DROSHA: variants seen among roughly 807,000 people sequenced by gnomAD.
DROSHA encodes the protein ribonuclease 3.
In DROSHA, 56 loss-of-function variants were observed where a neutral mutation model predicts 181.9. That is an observed-to-expected ratio of 0.31 (90% confidence interval 0.25 to 0.38). The LOEUF is 0.38. Among genes scored for constraint, DROSHA ranks in the 10% least tolerant of loss-of-function variants. DROSHA has a pLI of 1.00. For missense variants in DROSHA, 1,218 were observed against 1,743.5 expected (o/e 0.70, Z 5.37); for synonymous variants, 524 against 591.2 (o/e 0.89, Z 1.65).
chr5:31,504,108 G>C (rs951815708), intron 11 of DROSHA, among the ~76,000 whole-genome samples: 1 of 152,210 alleles, frequency 6.6e-6, no homozygotes, highest in Non-Finnish European at 1.5e-5. Flanking sequence ...GAGGGTCCCT[G>C]ATAAACCAAG....
At chr5:31,467,032 TTTTCTGTCACA>T (rs1300293831) in intron 18 of DROSHA, 13 of 152,258 alleles carry the variant, frequency 8.5e-5, no homozygotes, top group African/African-American at 3.1e-4. Flanking sequence ...TTTCCAAAGA[TTTTCTGTCACA>T]TTAAAACTGT....
intron 11 of DROSHA, among the ~76,000 whole-genome samples, chr5:31,504,287 T>A (rs944510300): frequency 6.6e-6 from 1 of 152,178 alleles, no homozygotes; most frequent in Non-Finnish European, 1.5e-5. Flanking sequence ...AGCTGAAGAA[T>A]ACTTGAAATG....
Position 31,515,337 on chromosome 5 carries a change from CGT to C in DROSHA, c.1058+115_1058+116del, listed in dbSNP as rs1392025090. On this transcript the variant is annotated intron_variant, in intron 7 of 35. Transcript: ENST00000344624. ...AAATATGAATACCATGCCAAATCACCGTGTGTACTTTTGTTAAACCAGTGACT... is the reference window on the plus strand; with the variant it reads ...AAATATGAATACCATGCCAAATCACCGTGTACTTTTGTTAAACCAGTGACT... The C allele has an allele frequency of 3.4e-6, 4 of 1,191,500 alleles. No individual in the cohort carries two copies. The African/African-American group carries it at 6.2e-5, about 18-fold the overall frequency. 73.8% of individuals were successfully genotyped at this position (1,191,500 alleles called of 1,614,324 possible).
chr5:31,526,957 A>G, intron 4 of DROSHA, 45 bp from the exon 5 acceptor site: 1 of 1,536,616 alleles, frequency 6.5e-7, no homozygotes, highest in East Asian at 2.4e-5. Context: ...TTAAAAAATA[A>G]TTCTTACTAT....
At chr5:31,434,814 T>C (rs990848196) in intron 25 of DROSHA, among the ~76,000 whole-genome samples, 4 of 152,234 alleles carry the variant, frequency 2.6e-5, no homozygotes, top group African/African-American at 9.6e-5. Context: ...AGAGCCACCA[T>C]TCTGCCTACT....
At chr5:31,448,499 T>C (rs1193661389) in intron 23 of DROSHA, 48 bp downstream of exon 23, 34 of 1,487,066 alleles carry the variant, frequency 2.3e-5, no homozygotes, top group Non-Finnish European at 3.1e-5. Context: ...AACTGTATAG[T>C]ACGTGAATTA....
At position 31,489,004 on chromosome 5, in the gene DROSHA, G is replaced by A. The variant is rs1399571100; in HGVS notation, c.1843-2442C>T. 3 of 152,342 alleles carry A rather than the reference G, an allele frequency of 2.0e-5. No individual in the cohort carries two copies. In the South Asian group the frequency reaches 6.2e-4, roughly 32 times the overall value. The allele number at this position is 152,342 out of a possible 1,614,324, so 9.4% of individuals were successfully genotyped here. The stretch of plus-strand genomic sequence containing the variant: ...TACCTCAAATTCAATATGCAGGGAA[G>A]ATGACGAGTCTAGTTTCACACAGGT... On this transcript the variant is annotated intron_variant, in intron 13 of 35. Coordinates refer to ENST00000344624, the MANE Select transcript of DROSHA (RefSeq NM_001382508.1).
At chr5:31,493,972 T>C (rs1330061174) in intron 12 of DROSHA, among the ~76,000 whole-genome samples, 1 of 148,466 alleles carries the variant, frequency 6.7e-6, no homozygotes, top group Non-Finnish European at 1.5e-5. Context: ...TGTGTGTGTG[T>C]GTGTGTGTGT....
At chr5:31,422,413 T>C (rs1400105918) in intron 29 of DROSHA, among the ~76,000 whole-genome samples, 1 of 152,204 alleles carries the variant, frequency 6.6e-6, no homozygotes, top group Non-Finnish European at 1.5e-5. Context: ...AACACAGCCA[T>C]GTTCACTCAT....
At chr5:31,510,810 A>G (rs185873642) in intron 9 of DROSHA, among the ~76,000 whole-genome samples, 2 of 152,378 alleles carry the variant, frequency 1.3e-5, no homozygotes, top group East Asian at 3.9e-4. Context: ...CCTTGTTAGC[A>G]TGCCTTGCAA....
At chr5:31,468,558 T>C (rs2150027036) in intron 17 of DROSHA, among the ~76,000 whole-genome samples, 1 of 152,342 alleles carries the variant, frequency 6.6e-6, no homozygotes, top group South Asian at 2.1e-4. Flanking sequence ...GCCAAATAGT[T>C]AAGCTTCTTT....
intron 6 of DROSHA, among the ~76,000 whole-genome samples, chr5:31,515,881 G>GA (rs1373374083): frequency 1.3e-5 from 2 of 151,578 alleles, no homozygotes; most frequent in Non-Finnish European, 2.9e-5. Context: ...AAAGAAAGAT[G>GA]AAAAAACAAC....
At chr5:31,518,010 A>C (rs926127499) in intron 6 of DROSHA, among the ~76,000 whole-genome samples, 8 of 152,250 alleles carry the variant, frequency 5.3e-5, no homozygotes. Context: ...GATATAGTCT[A>C]AGAAATGAGT....
At chr5:31,487,699 A>T (rs1017356908) in intron 13 of DROSHA, among the ~76,000 whole-genome samples, 7 of 152,242 alleles carry the variant, frequency 4.6e-5, no homozygotes, top group Non-Finnish European at 5.9e-5. Context: ...ATAGTCTTAT[A>T]ATGCCATCTA....
rs542781158 is a variant in DROSHA at position 31,487,441 on chromosome 5, C to T, written c.1843-879G>A. Among the ~76,000 whole-genome samples the T allele has an allele frequency of 6.6e-5, 10 of 152,186 alleles. No homozygotes were observed. The East Asian group carries it at 9.6e-4, about 15-fold the overall frequency. ...TACTGCCTACACATAACAGGTTTTC[C>T]GTAAATATATTTTTGAATGAATTAA... On this transcript the variant is annotated intron_variant, in intron 13 of 35. Transcript: ENST00000344624.
At chr5:31,440,889 T>C (rs945838436) in intron 23 of DROSHA, among the ~76,000 whole-genome samples, 2 of 152,164 alleles carry the variant, frequency 1.3e-5, no homozygotes, top group African/African-American at 4.8e-5. Flanking sequence ...GTATGAGATA[T>C]ATATGAAATA....
At position 31,405,728 on chromosome 5, in the gene DROSHA, TAAATA is replaced by T. The variant is rs762124264; in HGVS notation, c.3948-10_3948-6del. 279 of 1,430,738 alleles carry T rather than the reference TAAATA, an allele frequency of 2.0e-4. 2 individuals carry two copies. The highest frequency in any genetic ancestry group is 7.2e-4 in the Middle Eastern group (4 of 5,534). 88.6% of individuals were successfully genotyped at this position (1,430,738 alleles called of 1,614,324 possible). A position where few individuals can be genotyped will look rare whatever the true frequency, so the allele number is the denominator to read the frequency against. On this transcript the variant is annotated splice_polypyrimidine_tract_variant and splice_region_variant and intron_variant, in intron 34 of 35. Transcript: ENST00000344624. ...CCCATTTCCGCTTGCTGAATACTAT[TAAATA>T]AAATAAAGTAAGACATACTTTAATT... is the stretch of plus-strand genomic sequence containing the variant.
chr5:31,497,063 A>G (rs1200722633), intron 11 of DROSHA, among the ~76,000 whole-genome samples: 2 of 152,154 alleles, frequency 1.3e-5, no homozygotes, highest in African/African-American at 2.4e-5. Context: ...CGGGATCATC[A>G]TTCCACAGCT....
intron 23 of DROSHA, among the ~76,000 whole-genome samples, chr5:31,446,954 C>T (rs1332964541): frequency 6.6e-6 from 1 of 152,070 alleles, no homozygotes; most frequent in African/African-American, 2.4e-5. Flanking sequence ...GCGTGAGAAT[C>T]GCTTGAACCC....
Sources: gnomAD v4.1 joint callset for allele counts (sites outside exome capture counted in the v4.1 genomes callset) on GRCh38, gnomAD v4.1.1 for gene constraint, MANE v1.5 for transcripts, NCBI Gene and HGNC (gene_info 2026-07-23, HGNC 2026-07-21) for gene names.